Variants in RAD51D observed in about 807,000 individuals in gnomAD.
RAD51D encodes the protein RAD51 paralog D, also known as DNA repair protein RAD51 homolog 4.
RAD51D carries 38 observed loss-of-function variants against 44.1 expected under a neutral mutation model. The observed-to-expected ratio is 0.86, with a 90% CI of 0.67 to 1.13. The LOEUF is 1.13. Among genes scored for constraint, RAD51D ranks in the 50% most tolerant of loss-of-function variants. The probability of loss-of-function intolerance (pLI) is 0.00; values close to 1 mark genes in which losing one functional copy is unlikely to be tolerated. For missense variants in RAD51D, 390 were observed against 414.0 expected (o/e 0.94, Z 0.50); for synonymous variants, 141 against 166.6 (o/e 0.85, Z 1.18).
Position 35,118,007 on chromosome 17 carries a change from C to CATT in RAD51D, c.263+493_263+494insAAT, listed in dbSNP as rs1260438275. ...ACAGGTAATGCCTGCACATAGTAGG[C>CATT]ACTCAGTAAATGTTCTCTCTTGCCA... On this transcript the variant is annotated intron_variant, in intron 3 of 9. Coordinates refer to ENST00000345365, the MANE Select transcript of RAD51D (RefSeq NM_002878.4). 4.6e-5 allele frequency among the ~76,000 whole-genome samples: 7 copies of CATT among 152,304 alleles called. No homozygotes were observed. The South Asian group carries it at 1.5e-3, about 32-fold the overall frequency.
rs1165240216 is a variant in RAD51D at position 35,107,082 on chromosome 17, T to G, written c.386A>C (p.Gln129Pro). The G allele has an allele frequency of 6.2e-7, 1 of 1,613,978 alleles. No individual in the cohort carries two copies. The highest frequency in any genetic ancestry group is 8.5e-7 in the Non-Finnish European group (1 of 1,180,024). Residue 129 changes from glutamine (Q) to proline (P), a missense_variant, in exon 5 of 10, where the codon CAG (glutamine) becomes CCG (proline). Coordinates refer to ENST00000345365, the MANE Select transcript of RAD51D (RefSeq NM_002878.4). The part of the protein sequence containing the change: ...CMAANVAHGL[Q>P]QNVLYVDSNG... The stretch of plus-strand genomic sequence containing the variant: ...GGAATCTACATATAGGACGTTTTGC[T>G]GCAGGCCATGGGCCACATTTGCTGC...
At position 35,119,809 on chromosome 17, in the gene RAD51D, G is replaced by A. The variant is rs1333213942; in HGVS notation, c.-196C>T. ...TCATCCGCCCGCCCGGGATCCGCCG[G>A]GATTCCCGCGCCCAGAGCCCGCCCG... On this transcript the variant is annotated 5_prime_UTR_variant, in exon 1 of 10. Transcript: ENST00000345365. 2.8e-6 allele frequency: 2 copies of A among 704,276 alleles called. No individual in the cohort carries two copies. The highest frequency in any genetic ancestry group is 5.5e-5 in the East Asian group (2 of 36,618). 43.6% of individuals were successfully genotyped at this position (704,276 alleles called of 1,614,324 possible). A position where few individuals can be genotyped will look rare whatever the true frequency, so the allele number is the denominator to read the frequency against.
chr17:35,106,561 C>A lies in RAD51D; in HGVS notation c.481-80G>T, dbSNP rs28363273. On this transcript the variant is annotated intron_variant, in intron 5 of 9. Transcript: ENST00000345365. Reference sequence around the variant, plus strand: ...CAAGGTAAGGCTGAGAAGGAAGAGGCACCTGGATGCAAGGACTCAGGTCCA... The same window carrying A: ...CAAGGTAAGGCTGAGAAGGAAGAGGAACCTGGATGCAAGGACTCAGGTCCA... 3,404 of 1,024,538 alleles carry A rather than the reference C, an allele frequency of 3.3e-3. 80 individuals are homozygous for A. In the African/African-American group the frequency reaches 0.048, roughly 14 times the overall value. 63.5% of individuals were successfully genotyped at this position (1,024,538 alleles called of 1,614,324 possible).
rs1567724033 is a variant in RAD51D, at chr17:35,100,218, TC to T, written c.*734del. ...TACCCTCCCTTTCTGTTAAATTATA[TC>T]CCTGGAACTGCAGCGAGCCCACACG... On this transcript the variant is annotated 3_prime_UTR_variant, in exon 10 of 10. Transcript: ENST00000345365. 1 of 532,570 alleles carries T rather than the reference TC, an allele frequency of 1.9e-6. No individual in the cohort carries two copies. The highest frequency in any genetic ancestry group is 3.9e-5 in the East Asian group (1 of 25,490). The allele number at this position is 532,570 out of a possible 1,614,324, so 33.0% of individuals were successfully genotyped here. A position where few individuals can be genotyped will look rare whatever the true frequency, so the allele number is the denominator to read the frequency against.
In RAD51D at chr17:35,097,477, A is replaced by G. The variant is rs1487319089; in HGVS notation, c.*3476T>C. On this transcript the variant is annotated 3_prime_UTR_variant, in exon 10 of 10. Transcript: ENST00000345365. Reference sequence around the variant, plus strand: ...TGTATATATATATATGTGTGTATATATATGTATATATATGTGTGTATATGT... The same window carrying G: ...TGTATATATATATATGTGTGTATATGTATGTATATATATGTGTGTATATGT... 7.4e-6 allele frequency: 1 copy of G among 135,876 alleles called. No individual in the cohort carries two copies. The highest frequency in any genetic ancestry group is 2.6e-5 in the African/African-American group (1 of 38,848). 8.4% of individuals were successfully genotyped at this position (135,876 alleles called of 1,614,324 possible).
intron 1 of RAD51D, 34 bp from the exon 2 acceptor site, chr17:35,119,206 G>T: frequency 6.3e-7 from 1 of 1,580,952 alleles, no homozygotes; most frequent in Non-Finnish European, 8.7e-7. Flanking sequence ...GATTGGCAGA[G>T]AGGACTGGGG....
At position 35,095,633 on chromosome 17, in the gene RAD51D, AT is replaced by A. The variant is rs2142400293; in HGVS notation, c.*5319del. ...TGATGAAACCCCATCTCTACTAAAA[AT>A]ACAAAAAATTAGCCGGACATAGTGG... On this transcript the variant is annotated 3_prime_UTR_variant, in exon 10 of 10. Coordinates refer to ENST00000345365, the MANE Select transcript of RAD51D (RefSeq NM_002878.4). 6.6e-6 allele frequency: 1 copy of A among 152,240 alleles called. No homozygotes were observed. The highest frequency in any genetic ancestry group is 1.5e-5 in the Non-Finnish European group (1 of 68,040). 9.4% of individuals were successfully genotyped at this position (152,240 alleles called of 1,614,324 possible). A position where few individuals can be genotyped will look rare whatever the true frequency, so the allele number is the denominator to read the frequency against.
At chr17:35,114,590 T>C (rs1399568635) in intron 3 of RAD51D, among the ~76,000 whole-genome samples, 1 of 152,128 alleles carries the variant, frequency 6.6e-6, no homozygotes, top group Non-Finnish European at 1.5e-5. Flanking sequence ...CTTGGGAGGC[T>C]GAGGCAGGGA....
chr17:35,116,884 G>A lies in RAD51D; in HGVS notation c.263+1617C>T, dbSNP rs774000286. The A allele has an allele frequency of 8.2e-6, 13 of 1,578,136 alleles. No homozygotes were observed. Among genetic ancestry groups the A allele is most frequent in the Admixed American group, 1.8e-5 (1 of 54,446 alleles). ...CGTGAAGTGCTGACCGCAGTGCCTC[G>A]TTCATCGAAAGCATTCAGCGAAAGT... On this transcript the variant is annotated intron_variant, in intron 3 of 9. Coordinates refer to ENST00000345365, the MANE Select transcript of RAD51D (RefSeq NM_002878.4).
In RAD51D at chr17:35,103,399, G is replaced by C. The variant is rs555543872; in HGVS notation, c.667+55C>G. 1 of 1,608,620 alleles carries C rather than the reference G, an allele frequency of 6.2e-7. No individual in the cohort carries two copies. Among genetic ancestry groups the C allele is most frequent in the South Asian group, 1.1e-5 (1 of 90,986 alleles). On this transcript the variant is annotated intron_variant, in intron 7 of 9. Coordinates refer to ENST00000345365, the MANE Select transcript of RAD51D (RefSeq NM_002878.4). The surrounding 1 kb of genome is among the most constrained non-coding windows in gnomAD (Gnocchi z 4.1). Reference sequence around the variant, plus strand: ...GGGGCTGGCCAGAGACCAGACTCCAGAGCTGGGAGGCGAGGTCACATTCCA... The same window carrying C: ...GGGGCTGGCCAGAGACCAGACTCCACAGCTGGGAGGCGAGGTCACATTCCA...
chr17:35,107,242 AT>A, intron 4 of RAD51D, 120 bp from the exon 5 acceptor site: 1 of 1,470,216 alleles, frequency 6.8e-7, no homozygotes, highest in Non-Finnish European at 9.5e-7. Context: ...CCCATTCCTT[AT>A]TACCCATCTT....
At chr17:35,110,933 C>G (rs1004134463) in intron 3 of RAD51D, among the ~76,000 whole-genome samples, 2 of 151,932 alleles carry the variant, frequency 1.3e-5, no homozygotes, top group African/African-American at 4.8e-5. Flanking sequence ...TGGTGAAACC[C>G]CATCTCTATT....
chr17:35,107,311 T>C (rs2142435715), intron 4 of RAD51D, 55 bp downstream of exon 4: 2 of 1,494,260 alleles, frequency 1.3e-6, no homozygotes, highest in Admixed American at 3.3e-5. Flanking sequence ...GACCCTGGGC[T>C]ATGCATCTAC....
intron 3 of RAD51D, among the ~76,000 whole-genome samples, chr17:35,111,078 G>A (rs1169273073): frequency 6.7e-6 from 1 of 149,114 alleles, no homozygotes; most frequent in Admixed American, 6.7e-5. Context: ...TCCAGTCTGG[G>A]CAAAAAGAGA....
chr17:35,115,987 AAG>A (rs1316522767), intron 3 of RAD51D, among the ~76,000 whole-genome samples: 2 of 151,418 alleles, frequency 1.3e-5, no homozygotes, highest in Non-Finnish European at 2.9e-5. Flanking sequence ...GAAAGAAAGA[AAG>A]AAAGAAAGAA....
At chr17:35,114,075 A>G (rs1226327525) in intron 3 of RAD51D, among the ~76,000 whole-genome samples, 1 of 152,104 alleles carries the variant, frequency 6.6e-6, no homozygotes, top group Non-Finnish European at 1.5e-5. Context: ...GATCGAGACC[A>G]TCCCGGCTAA....
At chr17:35,106,018 G>A (rs539368888) in intron 6 of RAD51D, 2 of 449,678 alleles carry the variant, frequency 4.4e-6, no homozygotes, top group African/African-American at 2.0e-5. Context: ...TGCCCTGATA[G>A]CATGGACCTG....
rs963121332 is a variant in RAD51D, at chr17:35,095,847, C to T, written c.*5106G>A. 1.3e-5 allele frequency: 2 copies of T among 152,158 alleles called. No individual in the cohort carries two copies. The highest frequency in any genetic ancestry group is 4.8e-5 in the African/African-American group (2 of 41,440). The allele number at this position is 152,158 out of a possible 1,614,324, so 9.4% of individuals were successfully genotyped here. A position where few individuals can be genotyped will look rare whatever the true frequency, so the allele number is the denominator to read the frequency against. ...AGGCTTTACTTGGGCCCTTAACAAA[C>T]TGCAGCCTTAGTATGCAAACTAACT... On this transcript the variant is annotated 3_prime_UTR_variant, in exon 10 of 10. Transcript: ENST00000345365.
At position 35,103,466 on chromosome 17, in the gene RAD51D, G is replaced by T. The variant is rs771007945; in HGVS notation, c.655C>A (p.Gln219Lys). The change falls in exon 7 of 10, where the codon CAG becomes AAG. Residue 219 changes from glutamine (Q) to lysine (K), a missense_variant. By Grantham distance (53) the Gln-to-Lys change is moderately conservative. Transcript: ENST00000345365. The surrounding 1 kb of genome is among the most constrained non-coding windows in gnomAD (Gnocchi z 4.1). ...CCACATCACTCACCTTCCCTCTGCT[G>T]ACCTCCCAGAAGTGGGGAAACCACC... ...TAVVSPLLGG[Q>K]QREGLALMMQ... 6.2e-7 allele frequency: 1 copy of T among 1,614,124 alleles called. No homozygotes were observed. The highest frequency in any genetic ancestry group is 1.1e-5 in the South Asian group (1 of 91,070).
Sources: gnomAD v4.1 joint callset for allele counts (sites outside exome capture counted in the v4.1 genomes callset) on GRCh38, gnomAD v4.1.1 for gene constraint, Gnocchi (gnomAD v3.1) non-coding constraint, MANE v1.5 for transcripts, NCBI Gene and HGNC (gene_info 2026-07-23, HGNC 2026-07-21) for gene names.